DAB1: variants seen among roughly 807,000 people sequenced by gnomAD.
DAB1 encodes DAB adaptor protein 1.
Under a neutral mutation model 64.6 loss-of-function variants are expected in DAB1, and 15 were observed. That is an observed-to-expected ratio of 0.23 (90% CI 0.16 to 0.36). The LOEUF is 0.36. Among genes scored for constraint, DAB1 ranks in the 10% least tolerant of loss-of-function variants. DAB1 has a pLI of 1.00. For missense variants in DAB1, 596 were observed against 706.7 expected (o/e 0.84, Z 1.78); for synonymous variants, 235 against 251.9 (o/e 0.93, Z 0.64).
intron 7 of DAB1, among the ~76,000 whole-genome samples, chr1:57,530,058 C>G (rs115528995): frequency 1.4e-3 from 209 of 152,182 alleles, no homozygotes; most frequent in African/African-American, 3.9e-3. Context: ...CATCCATAGA[C>G]TAGTTGAGAA....
rs528996485 is a variant in DAB1, at chr1:57,230,527, C to T, written c.67+60437G>A. On this transcript the variant is annotated intron_variant, in intron 2 of 14. Coordinates refer to ENST00000371236, the MANE Select transcript of DAB1 (RefSeq NM_001365792.1). ...GTTAACAAACCCAAACATGCTATTT[C>T]TCTTTACTAAAAAAAGATTTCTGAA... 6.2e-4 allele frequency among the ~76,000 whole-genome samples: 95 copies of T among 152,206 alleles called. 1 individual carries two copies. The highest frequency in any genetic ancestry group is 1.7e-3 in the South Asian group (8 of 4,822).
chr1:57,934,116 G>A (rs1347939105), intron 5 of DAB1, among the ~76,000 whole-genome samples: 2 of 109,898 alleles, frequency 1.8e-5, no homozygotes, highest in Admixed American at 9.7e-5. Flanking sequence ...TAGTAGAGAC[G>A]AGGTTTCACC....
Position 57,493,411 on chromosome 1 carries a change from A to T in DAB1, n.625+156181T>A, listed in dbSNP as rs9436545. ...GTATTTGTCCTTTTAAGTCTGGTTTACTTCATTTATCATAATGCCTTCAAA... is the reference window on the plus strand; with the variant it reads ...GTATTTGTCCTTTTAAGTCTGGTTTTCTTCATTTATCATAATGCCTTCAAA... On this transcript the variant is annotated intron_variant and non_coding_transcript_variant, in intron 7 of 20. Transcript: ENST00000485760. 8.0e-3 allele frequency among the ~76,000 whole-genome samples: 1,219 copies of T among 152,228 alleles called. 19 individuals are homozygous for T. Among genetic ancestry groups the T allele is most frequent in the African/African-American group, 0.024 (1,005 of 41,520 alleles).
At chr1:57,043,663 A>G (rs969602055) in intron 9 of DAB1, among the ~76,000 whole-genome samples, 4 of 152,172 alleles carry the variant, frequency 2.6e-5, no homozygotes, top group Middle Eastern at 3.2e-3. Flanking sequence ...CCTGGCCAAC[A>G]TGGTGAAACC....
At chr1:58,285,216 C>G (rs1056508638) in intron 4 of DAB1, among the ~76,000 whole-genome samples, 10 of 152,182 alleles carry the variant, frequency 6.6e-5, no homozygotes, top group African/African-American at 2.4e-4. Flanking sequence ...TGGGCAAAAG[C>G]TGGAAGCATT....
chr1:57,586,365 T>A (rs1645380492), intron 7 of DAB1, among the ~76,000 whole-genome samples: 1 of 152,208 alleles, frequency 6.6e-6, no homozygotes, highest in Non-Finnish European at 1.5e-5. Flanking sequence ...AGCTCTGCAA[T>A]GTCTTTGTTT....
At chr1:57,891,107 T>C (rs917948314) in intron 5 of DAB1, among the ~76,000 whole-genome samples, 2 of 152,110 alleles carry the variant, frequency 1.3e-5, no homozygotes, top group African/African-American at 2.4e-5. Context: ...ATTTTTGCAA[T>C]CTACTCATCT....
chr1:58,490,808 T>A (rs1451311674), intron 3 of DAB1, among the ~76,000 whole-genome samples: 10 of 124,464 alleles, frequency 8.0e-5, no homozygotes, highest in African/African-American at 2.9e-4. Flanking sequence ...TTTTTTTTTT[T>A]TTTTTTTTTT....
At chr1:58,306,777 G>C (rs1662318988) in intron 4 of DAB1, among the ~76,000 whole-genome samples, 1 of 152,174 alleles carries the variant, frequency 6.6e-6, no homozygotes, top group Non-Finnish European at 1.5e-5. Flanking sequence ...CTTGTCTGCA[G>C]CAGCAGCCCA....
chr1:58,186,782 G>A (rs184771845), intron 4 of DAB1, among the ~76,000 whole-genome samples: 7 of 152,252 alleles, frequency 4.6e-5, no homozygotes, highest in Admixed American at 6.5e-5. Context: ...TTTGGTTGAC[G>A]GAATTGGGCC....
chr1:57,262,185 C>T (rs536378786), intron 2 of DAB1, among the ~76,000 whole-genome samples: 3 of 152,208 alleles, frequency 2.0e-5, no homozygotes, highest in East Asian at 1.9e-4. Flanking sequence ...GAACCACTCT[C>T]GTCATTTCGC....
At chr1:57,492,039 G>A (rs993888834) in intron 7 of DAB1, among the ~76,000 whole-genome samples, 1 of 152,148 alleles carries the variant, frequency 6.6e-6, no homozygotes. Context: ...AAGAGAAGAA[G>A]AAGAAACTGC....
chr1:57,107,290 G>T (rs1021672883), intron 4 of DAB1, among the ~76,000 whole-genome samples: 2 of 151,130 alleles, frequency 1.3e-5, no homozygotes, highest in Admixed American at 1.3e-4. Flanking sequence ...CAGGAGAATC[G>T]CTTGAACCGG....
At chr1:57,067,489 G>A (rs1651030227) in intron 8 of DAB1, among the ~76,000 whole-genome samples, 2 of 152,172 alleles carry the variant, frequency 1.3e-5, no homozygotes, top group Non-Finnish European at 2.9e-5. Context: ...ACATGGGGTT[G>A]TTGTGAGAGA....
intron 4 of DAB1, among the ~76,000 whole-genome samples, chr1:58,277,679 A>C (rs1661482810): frequency 1.3e-5 from 2 of 152,194 alleles, no homozygotes; most frequent in African/African-American, 2.4e-5. Context: ...TGGTCTAAAG[A>C]GAGAGAAAAT....
intron 3 of DAB1, among the ~76,000 whole-genome samples, chr1:58,493,049 A>C (rs1645727771): frequency 6.6e-6 from 1 of 152,238 alleles, no homozygotes. Flanking sequence ...CCAGCAGCAC[A>C]TCGAAAAGCT....
intron 5 of DAB1, among the ~76,000 whole-genome samples, chr1:58,033,706 TAA>T (rs1476968561): frequency 1.3e-5 from 2 of 152,206 alleles, no homozygotes; most frequent in Non-Finnish European, 2.9e-5. Context: ...GTAGATTAAT[TAA>T]GAGTGACATT....
intron 6 of DAB1, among the ~76,000 whole-genome samples, chr1:57,696,570 G>C (rs913429017): frequency 2.0e-5 from 3 of 152,144 alleles, no homozygotes; most frequent in Non-Finnish European, 2.9e-5. Flanking sequence ...ACAACCTACA[G>C]CTGGCCAACA....
At chr1:58,435,029 A>G (rs1644926124) in intron 3 of DAB1, among the ~76,000 whole-genome samples, 2 of 152,216 alleles carry the variant, frequency 1.3e-5, no homozygotes, top group Admixed American at 6.5e-5. Flanking sequence ...TGTAGGAAAT[A>G]GCAGATGCCC....
Sources: allele counts gnomAD v4.1 joint callset (sites outside exome capture counted in the v4.1 genomes callset), GRCh38; gene constraint gnomAD v4.1.1; transcripts MANE v1.5; gene names NCBI Gene and HGNC (gene_info 2026-07-23, HGNC 2026-07-21).